The following CROCC2 variants were observed in gnomAD, a reference collection of about 807,000 sequenced individuals.
CROCC2 encodes ciliary rootlet coiled-coil protein 2.
A neutral mutation model predicts 177.6 loss-of-function variants in CROCC2; 163 were observed. The ratio of observed to expected loss-of-function variants is 0.92; its 90% CI spans 0.81 to 1.05. The LOEUF (loss-of-function observed/expected upper bound fraction) is 1.05, where lower values mean the gene tolerates loss of function less well. Among genes scored for constraint, CROCC2 ranks in the 50% least tolerant of loss-of-function variants. CROCC2 has a pLI of 0.00. For missense variants in CROCC2, 1,929 were observed against 1,797.8 expected, an observed-to-expected ratio of 1.07 and a Z score of -1.32; for synonymous variants, 904 against 787.3, an observed-to-expected ratio of 1.15 and a Z score of -2.48.
intron 5 of CROCC2, 27 bp downstream of exon 5, chr2:240,925,907 A>G (rs1408727001): frequency 7.2e-6 from 5 of 689,728 alleles, no homozygotes; most frequent in Non-Finnish European, 1.4e-5. Context: ...TGCTCACCTC[A>G]TGGCGGCCGC....
intron 5 of CROCC2, 117 bp downstream of exon 5, chr2:240,925,997 C>A: frequency 1.7e-6 from 1 of 600,872 alleles, no homozygotes; most frequent in East Asian, 2.8e-5. Flanking sequence ...CTCTTGGGGA[C>A]GAGGCCACAG....
rs1473203161 is a variant in CROCC2 at position 240,946,179 on chromosome 2, G to A, written c.2289G>A (p.Arg763=). Residue 763 remains arginine, a synonymous_variant, in exon 15 of 32, where the codon CGG becomes CGA. Transcript: ENST00000690015. The stretch of plus-strand genomic sequence containing the variant: ...GAAAGGATGCTCTGTCTGAGGAGCG[G>A]GCCCAGCTGCTGGCCAAGCAGGAGG... ...LQGKDALSEE[R]AQLLAKQEAL... is the part of the protein sequence containing the mutation. 1.3e-6 allele frequency: 2 copies of A among 1,547,806 alleles called. No individual in the cohort carries two copies. Among genetic ancestry groups the A allele is most frequent in the East Asian group, 2.4e-5 (1 of 40,838 alleles).
chr2:240,962,012 A>C lies in CROCC2; in HGVS notation c.3088-1544A>C, dbSNP rs202247601. 3.5e-4 allele frequency among the ~76,000 whole-genome samples: 23 copies of C among 65,052 alleles called. No homozygotes were observed. The East Asian group carries it at 7.2e-3, about 20-fold the overall frequency. The allele number at this position is 65,052 out of a possible 152,430, so 42.7% of individuals were successfully genotyped here. A position where few individuals can be genotyped will look rare whatever the true frequency, so the allele number is the denominator to read the frequency against. ...CGGCCCACACACACACTCATCACCCACACACACACACACACACGCACGCAC... is the reference window on the plus strand; with the variant it reads ...CGGCCCACACACACACTCATCACCCCCACACACACACACACACGCACGCAC... On this transcript the variant is annotated intron_variant, in intron 20 of 31. Coordinates refer to ENST00000690015, the MANE Select transcript of CROCC2 (RefSeq NM_001351305.2).
intron 20 of CROCC2, among the ~76,000 whole-genome samples, chr2:240,962,058 T>TCACA (rs2059645468): frequency 2.3e-5 from 3 of 131,600 alleles, no homozygotes; most frequent in Admixed American, 7.5e-5. Context: ...ACACATACAC[T>TCACA]CACACTCACA....
At chr2:240,914,294 C>T (rs1250441995) in intron 1 of CROCC2, among the ~76,000 whole-genome samples, 1 of 152,244 alleles carries the variant, frequency 6.6e-6, no homozygotes, top group Non-Finnish European at 1.5e-5. Flanking sequence ...CAAGCCTCAC[C>T]CTCCTCACCC....
At chr2:240,928,559 G>A (rs1302250829) in intron 5 of CROCC2, among the ~76,000 whole-genome samples, 1 of 152,228 alleles carries the variant, frequency 6.6e-6, no homozygotes, top group African/African-American at 2.4e-5. Context: ...GGAAGAGGCT[G>A]TGAATCTGGA....
chr2:240,921,666 G>T (rs1294264649), intron 3 of CROCC2, among the ~76,000 whole-genome samples: 1 of 152,224 alleles, frequency 6.6e-6, no homozygotes, highest in African/African-American at 2.4e-5. Context: ...GGCGGAACGG[G>T]GTCTGGGTGG....
intron 3 of CROCC2, 107 bp downstream of exon 3, chr2:240,920,241 C>T: frequency 1.7e-6 from 1 of 583,094 alleles, no homozygotes; most frequent in Non-Finnish European, 3.1e-6. Context: ...TCGGCAATTT[C>T]TAAGACTCGG....
At chr2:240,909,168 C>G (rs369810290) in intron 1 of CROCC2, among the ~76,000 whole-genome samples, 23 of 77,452 alleles carry the variant, frequency 3.0e-4, no homozygotes, top group South Asian at 1.1e-3. Flanking sequence ...TCCTCCACCT[C>G]GGGTGACCTC....
chr2:240,974,368 G>T lies in CROCC2; in HGVS notation c.4401+6106G>T, dbSNP rs1238804795. 3.6e-5 allele frequency among the ~76,000 whole-genome samples: 5 copies of T among 138,556 alleles called. No homozygotes were observed. The South Asian group carries it at 6.7e-4, about 19-fold the overall frequency. 90.9% of individuals were successfully genotyped at this position (138,556 alleles called of 152,430 possible). A position where few individuals can be genotyped will look rare whatever the true frequency, so the allele number is the denominator to read the frequency against. On this transcript the variant is annotated intron_variant, in intron 27 of 31. Transcript: ENST00000690015. ...TTTACTTTTTTTTTTTTTTTTGAGG[G>T]TCTTGCTCTGTCACCCAGGCTAGAG...
chr2:240,911,923 G>A (rs1247572141), intron 1 of CROCC2, among the ~76,000 whole-genome samples: 4 of 152,132 alleles, frequency 2.6e-5, no homozygotes, highest in East Asian at 1.9e-4. Flanking sequence ...TCTGCCTGCC[G>A]GCCGCTGTGA....
At chr2:240,925,258 C>T (rs1290828807) in intron 4 of CROCC2, among the ~76,000 whole-genome samples, 1 of 152,194 alleles carries the variant, frequency 6.6e-6, no homozygotes, top group East Asian at 1.9e-4. Context: ...GGCGGACTTG[C>T]ACCCCTACTG....
At chr2:240,936,321 C>T (rs533428705) in intron 14 of CROCC2, among the ~76,000 whole-genome samples, 32 of 152,346 alleles carry the variant, frequency 2.1e-4, no homozygotes, top group African/African-American at 5.5e-4. Context: ...GGTTCCCCCA[C>T]GTGCCTTCAG....
chr2:240,967,592 G>A (rs1247798999), intron 26 of CROCC2, 127 bp downstream of exon 26: 2 of 1,485,964 alleles, frequency 1.3e-6, no homozygotes, highest in Non-Finnish European at 1.8e-6. Flanking sequence ...GAGCCTGGGG[G>A]CAACACCCAA....
At chr2:240,929,583 C>T (rs2059415070) in intron 5 of CROCC2, 2 of 436,788 alleles carry the variant, frequency 4.6e-6, no homozygotes, top group Admixed American at 2.5e-5. Context: ...GGCTTCCCAC[C>T]CTCCTCCCTG....
At chr2:240,985,813 GCACT>G (rs1329926475) in intron 28 of CROCC2, 1 of 368,982 alleles carries the variant, frequency 2.7e-6, no homozygotes, top group Non-Finnish European at 5.4e-6. Flanking sequence ...ACACACCCAG[GCACT>G]CACTCCACAC....
Position 240,989,811 on chromosome 2 carries a change from A to C in CROCC2, c.4841A>C (p.Gln1614Pro), listed in dbSNP as rs10200024. 1 of 1,545,524 alleles carries C rather than the reference A, an allele frequency of 6.5e-7. No individual in the cohort carries two copies. The highest frequency in any genetic ancestry group is 1.2e-5 in the South Asian group (1 of 83,820). Reference protein sequence around the residue: ...LESQEWTHQQQVKVLEEQVAS... With the variant: ...LESQEWTHQQPVKVLEEQVAS... Reference sequence around the variant, plus strand: ...TCCCAAGAATGGACCCACCAGCAGCAGGTAAAGGTGCTGGAAGAGCAGGTA... The same window carrying C: ...TCCCAAGAATGGACCCACCAGCAGCCGGTAAAGGTGCTGGAAGAGCAGGTA... Residue 1614 changes from glutamine (Q) to proline (P), a missense_variant, in exon 30 of 32, where the codon CAG becomes CCG. Around this residue, in one of 3 missense-constraint regions of CROCC2, gnomAD observed 388 missense variants for 352.7 expected, o/e 1.10. Transcript: ENST00000690015.
chr2:240,982,845 G>A lies in CROCC2; in HGVS notation c.4402-35G>A. On this transcript the variant is annotated intron_variant, in intron 27 of 31. Transcript: ENST00000690015. The surrounding 1 kb of genome is among the most constrained non-coding windows in gnomAD (Gnocchi z 4.7). ...CCCTGCAGGGCCTCCCACCCCCAGT[G>A]TCTCCAGGTGGACCCTGTGTCTCCT... 3 of 1,531,396 alleles carry A rather than the reference G, an allele frequency of 2.0e-6. No homozygotes were observed. The highest frequency in any genetic ancestry group is 1.2e-5 in the South Asian group (1 of 81,698). 94.9% of individuals were successfully genotyped at this position (1,531,396 alleles called of 1,614,324 possible).
chr2:240,937,546 C>CT (rs2059478001), intron 14 of CROCC2, among the ~76,000 whole-genome samples: 1 of 152,044 alleles, frequency 6.6e-6, no homozygotes, highest in African/African-American at 2.4e-5. Flanking sequence ...TTATCTATTT[C>CT]TTTTTTTAGT....
Sources: allele counts gnomAD v4.1 joint callset (sites outside exome capture counted in the v4.1 genomes callset), GRCh38; gene constraint gnomAD v4.1.1; regional missense constraint gnomAD v4.1.1; non-coding constraint Gnocchi (gnomAD v3.1); transcripts MANE v1.5; gene names NCBI Gene and HGNC (gene_info 2026-07-23, HGNC 2026-07-21).